Variants in VPS13C observed in about 807,000 individuals in gnomAD.
VPS13C encodes the protein intermembrane lipid transfer protein VPS13C.
A neutral mutation model predicts 456.8 loss-of-function variants in VPS13C; 358 were observed. The observed-to-expected ratio is 0.78, with a 90% confidence interval of 0.72 to 0.86. The LOEUF (loss-of-function observed/expected upper bound fraction) is 0.86. Ranked by LOEUF, VPS13C falls within the 40% of genes least tolerant of loss-of-function variation. VPS13C has a pLI of 0.00. For synonymous variants in VPS13C, 1,578 were observed against 1,486.7 expected (o/e 1.06, Z -1.41); for missense variants, 4,818 against 4,385.4 (o/e 1.10, Z -2.79).
Position 61,973,490 on chromosome 15 carries a change from G to C in VPS13C, c.2581C>G (p.Leu861Val). The change falls in exon 26 of 85, where the codon CTT (leucine) becomes GTT (valine). Residue 861 changes from leucine to valine, a missense_variant. Coordinates refer to ENST00000644861, the MANE Select transcript of VPS13C (RefSeq NM_020821.3). ...GTGTCTAGCAATAGTGAAGTACCAAGTAGACCTTTTGTACCACCTGAAATA... is the reference window on the plus strand; with the variant it reads ...GTGTCTAGCAATAGTGAAGTACCAACTAGACCTTTTGTACCACCTGAAATA... ...PIISGGTKGL[L>V]GTSLLLDTVE... 1.2e-6 allele frequency: 2 copies of C among 1,612,668 alleles called. No homozygotes were observed. Among genetic ancestry groups the C allele is most frequent in the Non-Finnish European group, 1.7e-6 (2 of 1,178,974 alleles).
intron 1 of VPS13C, among the ~76,000 whole-genome samples, chr15:62,045,275 T>A (rs2048363641): frequency 8.5e-6 from 1 of 118,218 alleles, no homozygotes; most frequent in Admixed American, 1.0e-4. Context: ...TTTTTGCCAT[T>A]ACTTTTAATG....
intron 2 of VPS13C, among the ~76,000 whole-genome samples, chr15:62,043,776 C>T (rs1238582460): frequency 6.6e-6 from 1 of 152,094 alleles, no homozygotes; most frequent in Non-Finnish European, 1.5e-5. Flanking sequence ...CAATAAATGA[C>T]ACAAATTACT....
chr15:61,995,918 G>A (rs2046368646), intron 16 of VPS13C, among the ~76,000 whole-genome samples: 1 of 152,126 alleles, frequency 6.6e-6, no homozygotes, highest in Non-Finnish European at 1.5e-5. Flanking sequence ...ACTATACATG[G>A]CTCTGCCCTG....
chr15:61,946,110 C>G (rs1250598815), intron 44 of VPS13C, among the ~76,000 whole-genome samples, 197 bp downstream of exon 44: 1 of 152,038 alleles, frequency 6.6e-6, no homozygotes, highest in Non-Finnish European at 1.5e-5. Flanking sequence ...TCAGAAATAA[C>G]TTTTACAAAT....
intron 15 of VPS13C, 47 bp downstream of exon 15, chr15:62,007,261 G>T (rs777589397): frequency 6.2e-6 from 8 of 1,292,428 alleles, no homozygotes; most frequent in Admixed American, 5.4e-5. Flanking sequence ...GAATATTAAA[G>T]GATGATTAGA....
At chr15:61,857,300 CGA>C (rs368748137) in intron 82 of VPS13C, among the ~76,000 whole-genome samples, 5 of 150,796 alleles carry the variant, frequency 3.3e-5, no homozygotes, top group Non-Finnish European at 3.0e-5. Flanking sequence ...TCTTTTGGAG[CGA>C]GAGAGAGAGA....
At chr15:61,919,506 A>AT in intron 57 of VPS13C, 57 bp from the exon 58 acceptor site, 1 of 1,420,620 alleles carries the variant, frequency 7.0e-7, no homozygotes, top group Non-Finnish European at 9.3e-7. Flanking sequence ...ATGTTTCTCT[A>AT]TAACAATCAT....
At chr15:62,015,839 C>A (rs2047222073) in intron 9 of VPS13C, among the ~76,000 whole-genome samples, 10 of 137,010 alleles carry the variant, frequency 7.3e-5, no homozygotes, top group African/African-American at 2.5e-4. Context: ...TGCTAGATGA[C>A]ACGTTAGTGG....
intron 66 of VPS13C, among the ~76,000 whole-genome samples, chr15:61,896,221 A>C (rs1379675245): frequency 6.6e-6 from 1 of 152,186 alleles, no homozygotes; most frequent in African/African-American, 2.4e-5. Flanking sequence ...CCAAACACTT[A>C]AAAAATAAAC....
intron 42 of VPS13C, among the ~76,000 whole-genome samples, chr15:61,947,865 A>C (rs1419635587): frequency 6.6e-6 from 1 of 152,310 alleles, no homozygotes; most frequent in South Asian, 2.1e-4. Context: ...GGGCCAACTT[A>C]AAAAATACCA....
intron 42 of VPS13C, among the ~76,000 whole-genome samples, chr15:61,949,014 G>A (rs1477472901): frequency 6.6e-6 from 1 of 152,082 alleles, no homozygotes; most frequent in Non-Finnish European, 1.5e-5. Context: ...TCTATTCCAT[G>A]AGCTCCTTCC....
At chr15:62,048,300 G>A (rs1393796743) in intron 1 of VPS13C, among the ~76,000 whole-genome samples, 2 of 119,288 alleles carry the variant, frequency 1.7e-5, no homozygotes, top group African/African-American at 6.5e-5. Flanking sequence ...TCCCCTTCCT[G>A]TGTCCATGTG....
At position 61,915,745 on chromosome 15, in the gene VPS13C, G is replaced by T; in HGVS notation, c.8333C>A (p.Thr2778Asn). 1 of 1,614,186 alleles carries T rather than the reference G, an allele frequency of 6.2e-7. No individual in the cohort carries two copies. Among genetic ancestry groups the T allele is most frequent in the Non-Finnish European group, 8.5e-7 (1 of 1,180,038 alleles). ...VFSPYWLINK[T>N]TRVLQYRSED... is the part of the protein sequence containing the mutation. ...TGAACGATACTGGAGAACCCGGGTA[G>T]TCTTGTTGATTAACCAATAGGGACT... is the stretch of plus-strand genomic sequence containing the variant. The change falls in exon 61 of 85, where the codon ACT becomes AAT. Residue 2778 changes from threonine (T) to asparagine (N), a missense_variant. By Grantham distance (65) the Thr-to-Asn change is moderately conservative (BLOSUM62 0). Transcript: ENST00000644861.
chr15:61,972,636 C>T lies in VPS13C; in HGVS notation c.2746G>A (p.Glu916Lys), dbSNP rs1205844715. 5 of 1,612,444 alleles carry T rather than the reference C, an allele frequency of 3.1e-6. No homozygotes were observed. The highest frequency in any genetic ancestry group is 4.2e-6 in the Non-Finnish European group (5 of 1,179,386). The part of the protein sequence containing the change: ...EELINLLLKF[E>K]IKEVILEFTK... The stretch of plus-strand genomic sequence containing the variant: ...AAAAAAGCACATACTTCTTTAATTT[C>T]AAACTTGAGTAGAAGATTGATGAGC... Residue 916 changes from glutamate (E) to lysine (K), a missense_variant, in exon 27 of 85, where the codon GAA becomes AAA. By Grantham distance (56) the Glu-to-Lys change is moderately conservative. Transcript: ENST00000644861.
chr15:61,931,558 A>AATCT (rs1316005548), intron 49 of VPS13C, among the ~76,000 whole-genome samples: 1 of 151,818 alleles, frequency 6.6e-6, no homozygotes, highest in Non-Finnish European at 1.5e-5. Flanking sequence ...TTCATCAATT[A>AATCT]ATCTAACTAA....
intron 16 of VPS13C, among the ~76,000 whole-genome samples, 178 bp downstream of exon 16, chr15:62,000,386 T>A (rs1483539520): frequency 2.6e-5 from 4 of 151,894 alleles, no homozygotes; most frequent in Non-Finnish European, 5.9e-5. Flanking sequence ...ATAATAAAAA[T>A]AAGGTTTTTT....
rs1893788241 is a variant in VPS13C, at chr15:61,854,253, A to G, written c.*204T>C. 1.7e-6 allele frequency: 1 copy of G among 591,044 alleles called. No individual in the cohort carries two copies. Among genetic ancestry groups the G allele is most frequent in the Non-Finnish European group, 3.0e-6 (1 of 332,192 alleles). The allele number at this position is 591,044 out of a possible 1,614,324, so 36.6% of individuals were successfully genotyped here. A position where few individuals can be genotyped will look rare whatever the true frequency, so the allele number is the denominator to read the frequency against. On this transcript the variant is annotated 3_prime_UTR_variant, in exon 85 of 85. Transcript: ENST00000644861. Reference sequence around the variant, plus strand: ...TGACCCATTTGGGTGGTGGCGTAGAAGTGGACTGCTAGCATATACATGGTT... The same window carrying G: ...TGACCCATTTGGGTGGTGGCGTAGAGGTGGACTGCTAGCATATACATGGTT...
At position 62,060,287 on chromosome 15, in the gene VPS13C, C is replaced by G. The variant is rs914849309; in HGVS notation, c.88G>C (p.Gly30Arg). 13 of 1,605,796 alleles carry G rather than the reference C, an allele frequency of 8.1e-6. No homozygotes were observed. In the Admixed American group the frequency reaches 8.4e-5, roughly 10 times the overall value. Residue 30 changes from glycine to arginine, a missense_variant, in exon 1 of 85, where the codon GGC (glycine) becomes CGC (arginine). This residue lies in a region of VPS13C where 4,552 missense variants were observed against 4,130.6 expected (regional missense o/e 1.10). Transcript: ENST00000644861. The stretch of plus-strand genomic sequence containing the variant: ...CCCTCTCGCTTACCGCCCCAGATGC[C>G]CAGCTTCAGCTGGGACTTGTTCAGG... The part of the protein sequence containing the change: ...ENLNKSQLKL[G>R]IWGGNVALDN...
At chr15:62,050,569 G>A (rs182812556) in intron 1 of VPS13C, among the ~76,000 whole-genome samples, 4 of 152,308 alleles carry the variant, frequency 2.6e-5, no homozygotes, top group Admixed American at 6.5e-5. Flanking sequence ...AGACCAAGGC[G>A]ATTGGATCAC....
Sources: allele counts gnomAD v4.1 joint callset (sites outside exome capture counted in the v4.1 genomes callset), GRCh38; gene constraint gnomAD v4.1.1; regional missense constraint gnomAD v4.1.1; transcripts MANE v1.5; gene names NCBI Gene and HGNC (gene_info 2026-07-23, HGNC 2026-07-21).